Variants in GRID1 observed in about 807,000 individuals in gnomAD.
GRID1 encodes glutamate ionotropic receptor delta type subunit 1, also known as glutamate receptor ionotropic, delta-1.
In GRID1, 28 loss-of-function variants were observed where a neutral mutation model predicts 98.0. The observed-to-expected ratio is 0.29, with a 90% confidence interval of 0.21 to 0.39. The LOEUF (loss-of-function observed/expected upper bound fraction) is 0.39, where lower values mean the gene tolerates loss of function less well. Ranked by LOEUF, GRID1 falls within the 10% of genes least tolerant of loss-of-function variation. The pLI is 1.00. For missense variants in GRID1, 1,111 were observed against 1,340.5 expected (o/e 0.83, Z 2.67); for synonymous variants, 553 against 538.5 (o/e 1.03, Z -0.37).
At chr10:86,144,866 C>A (rs902008695) in intron 3 of GRID1, among the ~76,000 whole-genome samples, 2 of 152,300 alleles carry the variant, frequency 1.3e-5, no homozygotes, top group South Asian at 4.1e-4. Context: ...CCTGGACTGG[C>A]GGAGGCCTTT....
At chr10:86,198,619 A>G (rs1430264983) in intron 3 of GRID1, among the ~76,000 whole-genome samples, 1 of 152,206 alleles carries the variant, frequency 6.6e-6, no homozygotes, top group Non-Finnish European at 1.5e-5. Flanking sequence ...TTTACAAATG[A>G]AAAAACTGTT....
intron 3 of GRID1, among the ~76,000 whole-genome samples, chr10:86,151,283 T>C (rs1291891567): frequency 2.0e-5 from 3 of 152,114 alleles, no homozygotes; most frequent in African/African-American, 7.2e-5. Flanking sequence ...CACACACATT[T>C]CCTCTGAGCC....
At chr10:85,796,140 T>C (rs139395649) in intron 8 of GRID1, among the ~76,000 whole-genome samples, 39 of 152,048 alleles carry the variant, frequency 2.6e-4, no homozygotes, top group Middle Eastern at 3.4e-3. Context: ...GTGGAGAGAA[T>C]AGAGAATAAA....
intron 4 of GRID1, among the ~76,000 whole-genome samples, chr10:86,081,415 T>G (rs1255110301): frequency 6.6e-6 from 1 of 152,134 alleles, no homozygotes; most frequent in Non-Finnish European, 1.5e-5. Flanking sequence ...GGGGTTGCCT[T>G]TAGAAGGAGC....
At chr10:85,856,923 C>T (rs1843115799) in intron 6 of GRID1, among the ~76,000 whole-genome samples, 1 of 152,168 alleles carries the variant, frequency 6.6e-6, no homozygotes, top group South Asian at 2.1e-4. Context: ...CCTGCAAAGA[C>T]TTAGGGACTT....
In GRID1 at chr10:85,871,299, A is replaced by G. The variant is rs1412762091; in HGVS notation, c.781-2119T>C. Among the ~76,000 whole-genome samples, 3 of 152,248 alleles carry G rather than the reference A, an allele frequency of 2.0e-5. 1 individual carries two copies. The highest frequency in any genetic ancestry group is 1.3e-4 in the Admixed American group (2 of 15,286). ...AGAATTTCTTGAATGCTGTACTGAC[A>G]GTGAAAAACAGAATGGTTTTATGGG... On this transcript the variant is annotated intron_variant, in intron 5 of 15. Transcript: ENST00000327946.
At chr10:85,661,294 C>A (rs1840962901) in intron 12 of GRID1, among the ~76,000 whole-genome samples, 1 of 152,032 alleles carries the variant, frequency 6.6e-6, no homozygotes, top group Non-Finnish European at 1.5e-5. Context: ...ACCCGCTGGA[C>A]AAGATGATCC....
intron 4 of GRID1, among the ~76,000 whole-genome samples, chr10:86,069,489 A>T (rs571305871): frequency 6.6e-6 from 1 of 152,146 alleles, no homozygotes; most frequent in African/African-American, 2.4e-5. Flanking sequence ...TCTACCAAAC[A>T]TACAAAAAAT....
intron 13 of GRID1, 47 bp downstream of exon 13, chr10:85,647,155 C>A: frequency 6.6e-7 from 1 of 1,505,952 alleles, no homozygotes; most frequent in Non-Finnish European, 9.2e-7. Flanking sequence ...CTGACCACCC[C>A]GTGGCCCTGT....
intron 4 of GRID1, among the ~76,000 whole-genome samples, chr10:85,987,599 C>A (rs537573101): frequency 1.3e-5 from 2 of 148,868 alleles, no homozygotes; most frequent in East Asian, 4.0e-4. Context: ...GCCTTACCTG[C>A]CTTACCTGCT....
intron 15 of GRID1, among the ~76,000 whole-genome samples, chr10:85,604,539 C>T (rs1402176819): frequency 2.6e-5 from 4 of 152,186 alleles, no homozygotes; most frequent in African/African-American, 9.6e-5. Flanking sequence ...GAGTTAGGGT[C>T]ACCTCTGCAT....
chr10:85,625,694 A>C (rs1842904381), intron 13 of GRID1, among the ~76,000 whole-genome samples: 2 of 152,166 alleles, frequency 1.3e-5, no homozygotes, highest in Admixed American at 1.3e-4. Context: ...AAAAATTGAC[A>C]TGGTGAGGGA....
At chr10:85,919,993 C>A (rs1273636983) in intron 4 of GRID1, among the ~76,000 whole-genome samples, 1 of 152,152 alleles carries the variant, frequency 6.6e-6, no homozygotes, top group Non-Finnish European at 1.5e-5. Context: ...ACTCACGGTG[C>A]CTTGGAATGC....
chr10:85,772,005 T>C (rs1246185903), intron 8 of GRID1, among the ~76,000 whole-genome samples: 4 of 152,090 alleles, frequency 2.6e-5, no homozygotes, highest in Non-Finnish European at 5.9e-5. Context: ...CCACCCCAAA[T>C]CAACAGAATA....
chr10:86,364,202 G>T, intron 1 of GRID1, 106 bp from the exon 2 acceptor site: 1 of 903,006 alleles, frequency 1.1e-6, no homozygotes, highest in East Asian at 2.5e-5. Flanking sequence ...CCGGGTGGTG[G>T]GAAGTCTGAA....
chr10:85,933,401 C>G lies in GRID1; in HGVS notation c.727-17162G>C, dbSNP rs569682816. Among the ~76,000 whole-genome samples, 3 of 151,844 alleles carry G rather than the reference C, an allele frequency of 2.0e-5. No homozygotes were observed. In the East Asian group the frequency reaches 5.8e-4, roughly 29 times the overall value. On this transcript the variant is annotated intron_variant, in intron 4 of 15. Coordinates refer to ENST00000327946, the MANE Select transcript of GRID1 (RefSeq NM_017551.3). ...GACGGGTATACAGATTATTTCATCA[C>G]CCAGGTAATAAACATAGTATCCAAC...
chr10:85,794,860 G>A (rs1456094437), intron 8 of GRID1, among the ~76,000 whole-genome samples: 1 of 152,156 alleles, frequency 6.6e-6, no homozygotes, highest in Middle Eastern at 3.2e-3. Context: ...CTGACATACT[G>A]CCAAGTGATT....
At chr10:86,311,404 T>C (rs2064076748) in intron 2 of GRID1, among the ~76,000 whole-genome samples, 5 of 152,142 alleles carry the variant, frequency 3.3e-5, no homozygotes, top group Non-Finnish European at 7.3e-5. Flanking sequence ...GTGTCACCCA[T>C]ATACTTGCTC....
At chr10:86,316,689 AG>A (rs1377233305) in intron 2 of GRID1, among the ~76,000 whole-genome samples, 1 of 150,950 alleles carries the variant, frequency 6.6e-6, no homozygotes, top group Admixed American at 6.6e-5. Context: ...TTAAAGCCCC[AG>A]GGCTCCTGAG....
Sources: allele counts gnomAD v4.1 joint callset (sites outside exome capture counted in the v4.1 genomes callset), GRCh38; gene constraint gnomAD v4.1.1; transcripts MANE v1.5; gene names NCBI Gene and HGNC (gene_info 2026-07-23, HGNC 2026-07-21).